The following DLGAP2 variants were observed in gnomAD, a reference collection of about 807,000 sequenced individuals.
DLGAP2 encodes the protein disks large-associated protein 2.
Under a neutral mutation model 100.3 loss-of-function variants are expected in DLGAP2, and 26 were observed. The observed-to-expected ratio is 0.26, with a 90% CI of 0.19 to 0.36. The LOEUF (loss-of-function observed/expected upper bound fraction) is 0.36. Among genes scored for constraint, DLGAP2 ranks in the 10% least tolerant of loss-of-function variants. The pLI is 1.00. For synonymous variants in DLGAP2, 886 were observed against 630.1 expected (o/e 1.41, Z -6.08); for missense variants, 1,858 against 1,453.2 (o/e 1.28, Z -4.53).
At chr8:1,297,479 A>G (rs2116983751) in intron 3 of DLGAP2, among the ~76,000 whole-genome samples, 1 of 150,128 alleles carries the variant, frequency 6.7e-6, no homozygotes, top group East Asian at 2.0e-4. Context: ...AACAGACACT[A>G]CACGAGACAG....
intron 3 of DLGAP2, among the ~76,000 whole-genome samples, chr8:1,264,033 G>A (rs761714334): frequency 6.6e-6 from 1 of 152,120 alleles, no homozygotes; most frequent in Non-Finnish European, 1.5e-5. Flanking sequence ...AGGGTAAGAG[G>A]GAGAATGCTG....
intron 2 of DLGAP2, among the ~76,000 whole-genome samples, chr8:1,163,445 C>A (rs1246091859): frequency 6.6e-6 from 1 of 152,164 alleles, no homozygotes; most frequent in Admixed American, 6.5e-5. Context: ...TGCTCTGGGA[C>A]CCTTCCCTGC....
At chr8:1,275,888 T>C (rs1210947920) in intron 3 of DLGAP2, among the ~76,000 whole-genome samples, 3 of 122,264 alleles carry the variant, frequency 2.5e-5, no homozygotes, top group African/African-American at 1.0e-4. Flanking sequence ...TAAATAAATA[T>C]ATAATATATA....
At chr8:760,771 G>A (rs746977114) in intron 1 of DLGAP2, among the ~76,000 whole-genome samples, 8 of 152,100 alleles carry the variant, frequency 5.3e-5, no homozygotes, top group Non-Finnish European at 1.0e-4. Context: ...GGAGTTGCAC[G>A]CATGCACCTG....
At chr8:1,119,464 C>A (rs2129047279) in intron 2 of DLGAP2, among the ~76,000 whole-genome samples, 1 of 152,194 alleles carries the variant, frequency 6.6e-6, no homozygotes, top group East Asian at 1.9e-4. Context: ...CTGTACTCAT[C>A]AGTTCATAAA....
intron 2 of DLGAP2, among the ~76,000 whole-genome samples, chr8:925,407 GGTT>G: frequency 6.6e-6 from 1 of 152,148 alleles, no homozygotes; most frequent in South Asian, 2.1e-4. Flanking sequence ...AAATGTGAAT[GGTT>G]GTCTCTGGGC....
At chr8:1,464,333 G>GCACCTTTCCAGGACAA (rs1798556188) in intron 3 of DLGAP2, among the ~76,000 whole-genome samples, 2 of 38,550 alleles carry the variant, frequency 5.2e-5, no homozygotes, top group Non-Finnish European at 9.4e-5. Context: ...TTCCAGGACG[G>GCACCTTTCCAGGACAA]CACCCTTCCA....
intron 3 of DLGAP2, among the ~76,000 whole-genome samples, chr8:1,459,684 C>CTTTTTTTTT (rs3052056): frequency 8.3e-6 from 1 of 120,828 alleles, no homozygotes; most frequent in Non-Finnish European, 1.6e-5. Context: ...CTGTTGTTTT[C>CTTTTTTTTT]TTTTTTTTTT....
chr8:1,360,887 C>G (rs1329492776), intron 3 of DLGAP2, among the ~76,000 whole-genome samples: 1 of 152,178 alleles, frequency 6.6e-6, no homozygotes, highest in African/African-American at 2.4e-5. Flanking sequence ...ATGCTCTGGC[C>G]CCACCGGACA....
At chr8:886,129 A>G (rs1009631080) in intron 1 of DLGAP2, among the ~76,000 whole-genome samples, 2 of 152,188 alleles carry the variant, frequency 1.3e-5, no homozygotes, top group Admixed American at 1.3e-4. Flanking sequence ...TAGTCTTGGT[A>G]GGGTATATGC....
intron 1 of DLGAP2, among the ~76,000 whole-genome samples, chr8:865,006 A>T (rs772698649): frequency 5.3e-5 from 8 of 152,212 alleles, no homozygotes; most frequent in Non-Finnish European, 1.2e-4. Context: ...TGAACATCTG[A>T]ATCTTTTCTA....
chr8:965,768 G>C (rs112157352), intron 2 of DLGAP2, among the ~76,000 whole-genome samples: 1 of 110,542 alleles, frequency 9.0e-6, no homozygotes, highest in Non-Finnish European at 1.9e-5. Flanking sequence ...TGACCCCTGC[G>C]CTGCACACGG....
chr8:1,671,696 G>A lies in DLGAP2; in HGVS notation c.2202+1912G>A, dbSNP rs116763374. On this transcript the variant is annotated intron_variant, in intron 10 of 14. Coordinates refer to ENST00000637795, the MANE Select transcript of DLGAP2 (RefSeq NM_001346810.2). ...TCAGCTCACACCTCCTATGGCCCCC[G>A]TCCTCCTTCCCTGCCCAGCTTAGAG... Among the ~76,000 whole-genome samples the A allele has an allele frequency of 1.1e-3, 166 of 152,306 alleles. 1 individual carries two copies. The highest frequency in any genetic ancestry group is 3.1e-3 in the Admixed American group (48 of 15,294).
intron 2 of DLGAP2, among the ~76,000 whole-genome samples, chr8:958,854 A>G (rs1458989434): frequency 6.6e-6 from 1 of 152,230 alleles, no homozygotes; most frequent in Admixed American, 6.5e-5. Context: ...ATGGGACAGG[A>G]GACAGTTGCT....
intron 1 of DLGAP2, among the ~76,000 whole-genome samples, chr8:791,611 C>T (rs1009895069): frequency 6.6e-6 from 1 of 152,152 alleles, no homozygotes; most frequent in East Asian, 1.9e-4. Flanking sequence ...TTATGATGTG[C>T]ACCGTGTGCT....
At chr8:1,624,018 C>T (rs1797426347) in intron 6 of DLGAP2, among the ~76,000 whole-genome samples, 1 of 152,122 alleles carries the variant, frequency 6.6e-6, no homozygotes, top group Admixed American at 6.5e-5. Flanking sequence ...GCAGCCACTG[C>T]CAGAGTGATG....
intron 3 of DLGAP2, among the ~76,000 whole-genome samples, chr8:1,470,818 T>TCCATCCTTTC (rs1798766396): frequency 4.5e-5 from 1 of 22,444 alleles, no homozygotes; most frequent in South Asian, 1.6e-3. Flanking sequence ...TCCCGACCCC[T>TCCATCCTTTC]CCAGCCTTTC....
intron 3 of DLGAP2, among the ~76,000 whole-genome samples, chr8:1,270,704 CTGTG>C (rs5888826): frequency 8.6e-5 from 13 of 150,604 alleles, no homozygotes; most frequent in East Asian, 2.0e-4. Flanking sequence ...GTGTGTGTCT[CTGTG>C]TGTGTGTGTG....
intron 6 of DLGAP2, among the ~76,000 whole-genome samples, chr8:1,575,288 C>A (rs570276271): frequency 6.6e-6 from 1 of 151,968 alleles, no homozygotes; most frequent in Admixed American, 6.6e-5. Flanking sequence ...ATGAAATAAG[C>A]CAAAATACAG....
Sources: allele counts gnomAD v4.1 joint callset (sites outside exome capture counted in the v4.1 genomes callset), GRCh38; gene constraint gnomAD v4.1.1; transcripts MANE v1.5; gene names NCBI Gene and HGNC (gene_info 2026-07-23, HGNC 2026-07-21).